The following CHD9 variants were observed in gnomAD, a reference collection of about 807,000 sequenced individuals.
The protein encoded by CHD9 is ATP-dependent chromatin remodeler CHD9.
A neutral mutation model predicts 316.1 loss-of-function variants in CHD9; 77 were observed. The observed-to-expected ratio is 0.24, with a 90% CI of 0.20 to 0.29. The LOEUF (loss-of-function observed/expected upper bound fraction) is 0.29, where lower values mean the gene tolerates loss of function less well. Ranked by LOEUF, CHD9 falls within the 10% of genes least tolerant of loss-of-function variation. The pLI is 1.00. For missense variants in CHD9, 2,763 were observed against 3,438.1 expected, an observed-to-expected ratio of 0.80 and a Z score of 4.91; for synonymous variants, 1,129 against 1,158.3, an observed-to-expected ratio of 0.97 and a Z score of 0.51.
chr16:53,229,154 A>G (rs2047949003), intron 8 of CHD9, 54 bp downstream of exon 8: 2 of 815,352 alleles, frequency 2.5e-6, no homozygotes, highest in Non-Finnish European at 1.9e-6. Flanking sequence ...TACATGTAGC[A>G]TTATTTATCA....
At chr16:53,162,932 G>C (rs1299697547) in intron 2 of CHD9, among the ~76,000 whole-genome samples, 1 of 151,782 alleles carries the variant, frequency 6.6e-6, no homozygotes, top group East Asian at 1.9e-4. Context: ...ACCAAGCCTG[G>C]CTAACTTTTT....
chr16:53,152,117 C>T (rs564495742), intron 1 of CHD9, among the ~76,000 whole-genome samples: 3 of 152,120 alleles, frequency 2.0e-5, no homozygotes, highest in Non-Finnish European at 4.4e-5. Context: ...AGCATTTGCT[C>T]GTCTTGATTG....
intron 1 of CHD9, among the ~76,000 whole-genome samples, chr16:53,099,657 G>C (rs140005788): frequency 2.0e-3 from 297 of 152,282 alleles, no homozygotes; most frequent in African/African-American, 6.9e-3. Context: ...GGACTCCTCC[G>C]GGCGGGAGAT....
chr16:53,163,313 C>T (rs545724212), intron 2 of CHD9, among the ~76,000 whole-genome samples: 2 of 152,260 alleles, frequency 1.3e-5, no homozygotes, highest in East Asian at 3.9e-4. Context: ...CAGTTTCAAG[C>T]AATTCTCCTG....
intron 37 of CHD9, among the ~76,000 whole-genome samples, chr16:53,319,219 G>A (rs373754204): frequency 8.5e-5 from 13 of 152,238 alleles, no homozygotes; most frequent in South Asian, 4.1e-4. Flanking sequence ...AAAAAATGGC[G>A]TCAGTGTAAG....
intron 1 of CHD9, among the ~76,000 whole-genome samples, chr16:53,066,254 A>G (rs1184445909): frequency 6.6e-6 from 1 of 152,174 alleles, no homozygotes; most frequent in Non-Finnish European, 1.5e-5. Flanking sequence ...GTTATCACTC[A>G]GTTATGACTG....
At chr16:53,207,906 A>T in intron 2 of CHD9, 1 of 286,856 alleles carries the variant, frequency 3.5e-6, no homozygotes, top group Non-Finnish European at 5.2e-6. Flanking sequence ...TAAATTGCAG[A>T]GTCTAATGGA....
At chr16:53,205,176 G>T (rs374771179) in intron 2 of CHD9, among the ~76,000 whole-genome samples, 55 of 152,234 alleles carry the variant, frequency 3.6e-4, no homozygotes, top group African/African-American at 1.2e-3. Flanking sequence ...GGGGAGCAAG[G>T]CCTGTGACTT....
At chr16:53,091,966 C>T (rs868099432) in intron 1 of CHD9, among the ~76,000 whole-genome samples, 2 of 152,200 alleles carry the variant, frequency 1.3e-5, no homozygotes, top group Non-Finnish European at 2.9e-5. Flanking sequence ...TTCACCCAGC[C>T]GAGAGCAGCG....
At chr16:53,263,374 A>G (rs2051333376) in intron 20 of CHD9, among the ~76,000 whole-genome samples, 2 of 152,070 alleles carry the variant, frequency 1.3e-5, no homozygotes, top group Non-Finnish European at 2.9e-5. Flanking sequence ...TAATGTCTTC[A>G]AATCATGGGT....
At chr16:53,137,640 A>G (rs565700226) in intron 1 of CHD9, among the ~76,000 whole-genome samples, 18 of 152,336 alleles carry the variant, frequency 1.2e-4, no homozygotes, top group African/African-American at 4.3e-4. Context: ...ATCTCTGAAG[A>G]TGAGTATTTG....
chr16:53,189,611 G>A (rs1444564476), intron 2 of CHD9, among the ~76,000 whole-genome samples: 1 of 151,582 alleles, frequency 6.6e-6, no homozygotes, highest in Non-Finnish European at 1.5e-5. Context: ...ATTTGTGTCT[G>A]TATTAGCAAA....
At chr16:53,298,072 G>T (rs1468589547) in intron 30 of CHD9, among the ~76,000 whole-genome samples, 2 of 152,152 alleles carry the variant, frequency 1.3e-5, no homozygotes, top group Non-Finnish European at 2.9e-5. Context: ...CATCACTTTT[G>T]ATTCTAGTTT....
At position 53,307,834 on chromosome 16, in the gene CHD9, G is replaced by A. The variant is rs2056120809; in HGVS notation, c.6934G>A (p.Asp2312Asn). 1 of 1,613,694 alleles carries A rather than the reference G, an allele frequency of 6.2e-7. No homozygotes were observed. Among genetic ancestry groups the A allele is most frequent in the Non-Finnish European group, 8.5e-7 (1 of 1,179,814 alleles). The part of the protein sequence containing the change: ...DSPGAATEYS[D>N]PSVPTPPGAG... ...CCCTGGAGCAGCTACAGAATACAGCGATCCCAGTGTACCCACTCCCCCAGG... is the reference window on the plus strand; with the variant it reads ...CCCTGGAGCAGCTACAGAATACAGCAATCCCAGTGTACCCACTCCCCCAGG... Residue 2312 changes from aspartate to asparagine, a missense_variant, in exon 33 of 39, where the codon GAT (aspartate) becomes AAT (asparagine). Physicochemically the swap from Asp to Asn is conservative, Grantham distance 23 (BLOSUM62 1). Coordinates refer to ENST00000447540, the MANE Select transcript of CHD9 (RefSeq NM_001308319.2).
intron 4 of CHD9, among the ~76,000 whole-genome samples, chr16:53,225,842 A>G (rs1215872609): frequency 6.6e-6 from 1 of 152,048 alleles, no homozygotes; most frequent in East Asian, 1.9e-4. Flanking sequence ...TTATTCTTCT[A>G]GATTTATACC....
chr16:53,060,913 G>C (rs1317115368), intron 1 of CHD9, among the ~76,000 whole-genome samples: 1 of 141,344 alleles, frequency 7.1e-6, no homozygotes, highest in Non-Finnish European at 1.5e-5. Flanking sequence ...AGGGCAAGAT[G>C]TTGTCTCTTT....
chr16:53,262,350 T>G (rs987660308), intron 19 of CHD9, among the ~76,000 whole-genome samples: 2 of 152,156 alleles, frequency 1.3e-5, no homozygotes, highest in Non-Finnish European at 2.9e-5. Context: ...ACTAAAAGAT[T>G]TTATAATTTC....
chr16:53,063,111 G>C (rs1159001468), intron 1 of CHD9, among the ~76,000 whole-genome samples: 1 of 152,060 alleles, frequency 6.6e-6, no homozygotes, highest in South Asian at 2.1e-4. Flanking sequence ...CTAAGTGCTG[G>C]ATGCTCTTCT....
chr16:53,083,533 T>A (rs554955178), intron 1 of CHD9, among the ~76,000 whole-genome samples: 1 of 152,304 alleles, frequency 6.6e-6, no homozygotes, highest in African/African-American at 2.4e-5. Context: ...CTACTTATCT[T>A]TATTATGGAC....
Sources: allele counts gnomAD v4.1 joint callset (sites outside exome capture counted in the v4.1 genomes callset), GRCh38; gene constraint gnomAD v4.1.1; transcripts MANE v1.5; gene names NCBI Gene and HGNC (gene_info 2026-07-23, HGNC 2026-07-21).